The following IFT43 variants were observed in gnomAD, a reference collection of about 807,000 sequenced individuals.
The protein encoded by IFT43 is intraflagellar transport 43.
IFT43 carries 33 observed loss-of-function variants against 32.3 expected under a neutral mutation model. That is an observed-to-expected ratio of 1.02 (90% confidence interval 0.77 to 1.37). IFT43 has a LOEUF of 1.37. IFT43 is among the 40% of genes most tolerant of loss of function. The pLI is 0.00. For missense variants in IFT43, 274 were observed against 265.9 expected (o/e 1.03, Z -0.21); for synonymous variants, 93 against 98.2 (o/e 0.95, Z 0.31).
chr14:76,082,748 C>G (rs78384178), intron 7 of IFT43, 56 bp downstream of exon 7: 3 of 1,279,458 alleles, frequency 2.3e-6, no homozygotes, highest in South Asian at 2.4e-5. Context: ...GGCTTCAATC[C>G]GTAGAGATTT....
chr14:75,995,979 G>T (rs1224151339), intron 2 of IFT43, among the ~76,000 whole-genome samples: 1 of 152,188 alleles, frequency 6.6e-6, no homozygotes, highest in African/African-American at 2.4e-5. Context: ...TCATCTCAGG[G>T]TAGAGCCTGC....
At chr14:76,011,103 T>G (rs2036077057) in intron 2 of IFT43, among the ~76,000 whole-genome samples, 1 of 151,916 alleles carries the variant, frequency 6.6e-6, no homozygotes, top group African/African-American at 2.4e-5. Context: ...AGAGATGGGG[T>G]CTCACTTTGT....
At chr14:75,985,862 T>C (rs1263460668) in intron 1 of IFT43, 22 bp downstream of exon 1, 1 of 1,613,208 alleles carries the variant, frequency 6.2e-7, no homozygotes, top group Non-Finnish European at 8.5e-7. Flanking sequence ...TTCGGGGGCC[T>C]TGGGGGCCAG....
chr14:76,062,490 C>A (rs559930821), intron 5 of IFT43, among the ~76,000 whole-genome samples: 119 of 152,294 alleles, frequency 7.8e-4, no homozygotes, highest in Non-Finnish European at 1.4e-3. Flanking sequence ...CACTCTTCAA[C>A]TTACAGTCTG....
chr14:75,992,649 G>A (rs547469868), intron 2 of IFT43, among the ~76,000 whole-genome samples: 1 of 152,186 alleles, frequency 6.6e-6, no homozygotes, highest in East Asian at 1.9e-4. Context: ...GGGCTCAAGC[G>A]ATCCTCCAGT....
intron 1 of IFT43, chr14:75,986,279 G>A: frequency 7.9e-7 from 1 of 1,269,388 alleles, no homozygotes; most frequent in Non-Finnish European, 1.0e-6. Flanking sequence ...TGCATGGAAG[G>A]GAGGCAGGCA....
chr14:76,014,023 C>G (rs1366355408), intron 2 of IFT43: 1 of 238,810 alleles, frequency 4.2e-6, no homozygotes, highest in Non-Finnish European at 9.1e-6. Flanking sequence ...TGTGAACAAC[C>G]CCCAGCCCGA....
At chr14:76,062,917 CAAAAAAAA>C (rs746158153) in intron 5 of IFT43, among the ~76,000 whole-genome samples, 18 of 72,478 alleles carry the variant, frequency 2.5e-4, no homozygotes, top group African/African-American at 1.0e-3. Context: ...GATCCCATCT[CAAAAAAAA>C]AAAAAAAAAA....
intron 2 of IFT43, among the ~76,000 whole-genome samples, chr14:76,001,547 T>C (rs1348250897): frequency 6.6e-6 from 1 of 152,220 alleles, no homozygotes; most frequent in African/African-American, 2.4e-5. Context: ...ATGAATTTGT[T>C]AGGCCTTAAT....
intron 3 of IFT43, among the ~76,000 whole-genome samples, chr14:76,051,658 T>C (rs191596300): frequency 6.6e-6 from 1 of 152,232 alleles, no homozygotes; most frequent in Non-Finnish European, 1.5e-5. Context: ...GAGATTTTTC[T>C]TGGACATTTA....
At chr14:76,013,444 C>T (rs1188957479) in intron 2 of IFT43, among the ~76,000 whole-genome samples, 1 of 152,226 alleles carries the variant, frequency 6.6e-6, no homozygotes, top group African/African-American at 2.4e-5. Flanking sequence ...ACAGTCCAGG[C>T]AGCTGGTCAT....
intron 5 of IFT43, among the ~76,000 whole-genome samples, chr14:76,076,149 G>C (rs17183935): frequency 0.32 from 48,748 of 152,138 alleles, 7,855 homozygotes; most frequent in Admixed American, 0.34. Flanking sequence ...AAGAAATTTG[G>C]GAAGAGATTG....
intron 2 of IFT43, among the ~76,000 whole-genome samples, chr14:75,995,750 A>G (rs1469899088): frequency 2.6e-5 from 4 of 152,160 alleles, no homozygotes; most frequent in African/African-American, 7.2e-5. Flanking sequence ...AGCGTTTTTC[A>G]TAGCCGCTCT....
chr14:76,038,173 T>A (rs757359442), intron 3 of IFT43: 3 of 152,182 alleles, frequency 2.0e-5, no homozygotes, highest in Non-Finnish European at 2.9e-5. Flanking sequence ...GTGTCCAATA[T>A]TGGGTAAAAT....
intron 3 of IFT43, among the ~76,000 whole-genome samples, chr14:76,033,933 G>A (rs562310974): frequency 1.1e-4 from 17 of 152,314 alleles, no homozygotes; most frequent in South Asian, 4.1e-4. Context: ...GTCTTATAGC[G>A]GAGATAGGAG....
intron 8 of IFT43, 67 bp from the exon 9 acceptor site, chr14:76,083,391 G>A: frequency 6.2e-7 from 1 of 1,613,998 alleles, no homozygotes; most frequent in Non-Finnish European, 8.5e-7. Flanking sequence ...GGATGGGAGG[G>A]AGAAGTCAGC....
At position 76,083,250 on chromosome 14, in the gene IFT43, C is replaced by G. The variant is rs563086463; in HGVS notation, c.468C>G (p.Leu156=). Residue 156 remains leucine (L), a synonymous_variant, in exon 8 of 9, where the codon CTC becomes CTG. Transcript: ENST00000314067. ...AGGATGGGGAGATCGACCTGAAACTCCTCACCAAAGTGCTCGCGCCGGAGC... is the reference window on the plus strand; with the variant it reads ...AGGATGGGGAGATCGACCTGAAACTGCTCACCAAAGTGCTCGCGCCGGAGC... ...QTLDGEIDLK[L]LTKVLAPEHE... 6.2e-7 allele frequency: 1 copy of G among 1,614,158 alleles called. No individual in the cohort carries two copies. Among genetic ancestry groups the G allele is most frequent in the South Asian group, 1.1e-5 (1 of 91,074 alleles).
intron 2 of IFT43, among the ~76,000 whole-genome samples, chr14:75,990,965 A>G (rs2035626196): frequency 6.6e-6 from 1 of 152,178 alleles, no homozygotes. Context: ...TCAGTGAACA[A>G]AAGAGACAAG....
At chr14:76,076,319 T>G (rs911422174) in intron 5 of IFT43, among the ~76,000 whole-genome samples, 3 of 152,122 alleles carry the variant, frequency 2.0e-5, no homozygotes, top group African/African-American at 4.8e-5. Flanking sequence ...AGAAGAGACT[T>G]TATGTAGTTC....
Sources: gnomAD v4.1 joint callset for allele counts (sites outside exome capture counted in the v4.1 genomes callset) on GRCh38, gnomAD v4.1.1 for gene constraint, MANE v1.5 for transcripts, NCBI Gene and HGNC (gene_info 2026-07-23, HGNC 2026-07-21) for gene names.